The following UMODL1 variants were observed in gnomAD, a reference collection of about 807,000 sequenced individuals.
UMODL1 encodes the protein uromodulin like 1, also known as uromodulin-like 1.
In UMODL1, 128 loss-of-function variants were observed where a neutral mutation model predicts 136.3. That is an observed-to-expected ratio of 0.94 (90% CI 0.81 to 1.09). UMODL1 has a LOEUF of 1.09. Ranked by LOEUF, UMODL1 falls within the 50% of genes least tolerant of loss-of-function variation. The probability of loss-of-function intolerance (pLI) is 0.00; values close to 1 mark genes in which losing one functional copy is unlikely to be tolerated. For missense variants in UMODL1, 1,766 were observed against 1,725.6 expected, an observed-to-expected ratio of 1.02 and a Z score of -0.41; for synonymous variants, 721 against 720.0, an observed-to-expected ratio of 1.00 and a Z score of -0.02.
chr21:42,103,847 C>G (rs1293354771), intron 8 of UMODL1, 21 bp from the exon 9 acceptor site: 1 of 1,613,658 alleles, frequency 6.2e-7, no homozygotes, highest in East Asian at 2.2e-5. Context: ...TGGATGTCTG[C>G]TGTTGCCTCT....
rs373686814 is a variant in UMODL1 at position 42,088,313 on chromosome 21, C to G, written c.623C>G (p.Pro208Arg). 1 of 1,613,244 alleles carries G rather than the reference C, an allele frequency of 6.2e-7. No individual in the cohort carries two copies. The highest frequency in any genetic ancestry group is 1.1e-5 in the South Asian group (1 of 91,064). ...LHSLVTSALQ[P>R]MASTVHHLHS... ...TCACAGGTCACCAGCGCCCTGCAAC[C>G]AATGGCCTCCACCGTCCACCACCTG... The change falls in exon 5 of 23, where the codon CCA (proline) becomes CGA (arginine). Residue 208 changes from proline to arginine, a missense_variant. By Grantham distance (103) the Pro-to-Arg change is moderately radical. Transcript: ENST00000408910.
rs546484416 is a variant in UMODL1 at position 42,116,063 on chromosome 21, G to A, written c.2475+78G>A. 4.0e-5 allele frequency: 49 copies of A among 1,231,720 alleles called. 3 individuals carry two copies. In the Middle Eastern group the frequency reaches 4.6e-3, roughly 114 times the overall value. 76.3% of individuals were successfully genotyped at this position (1,231,720 alleles called of 1,614,324 possible). ...GCTGATAGAATTCTAGGTTAGGCAC[G>A]GTGGCTCACCCCTGTAATCCTAGCA... On this transcript the variant is annotated intron_variant, in intron 14 of 22. Transcript: ENST00000408910.
At chr21:42,097,497 G>A (rs1472755039) in intron 6 of UMODL1, among the ~76,000 whole-genome samples, 12 of 152,214 alleles carry the variant, frequency 7.9e-5, no homozygotes, top group Admixed American at 7.9e-4. Context: ...AGGGAAATGA[G>A]TTGGACAGTG....
rs368253781 is a variant in UMODL1, at chr21:42,127,693, C to T, written c.3552C>T (p.Tyr1184=). Reference sequence around the variant, plus strand: ...TCAGCTGCCCTGTGCCCAACACATACACCAACGTGATTGAGAACGGCAACT... The same window carrying T: ...TCAGCTGCCCTGTGCCCAACACATATACCAACGTGATTGAGAACGGCAACT... ...INNSCPVPNT[Y]TNVIENGNSN... The change falls in exon 20 of 23, where the codon TAC becomes TAT. Residue 1184 remains tyrosine, a synonymous_variant. Coordinates refer to ENST00000408910, the MANE Select transcript of UMODL1 (RefSeq NM_001004416.3). 3 of 1,613,998 alleles carry T rather than the reference C, an allele frequency of 1.9e-6. No individual in the cohort carries two copies. In the African/African-American group the frequency reaches 4.0e-5, roughly 22 times the overall value.
At chr21:42,116,909 C>G (rs958710851) in intron 14 of UMODL1, among the ~76,000 whole-genome samples, 41 of 152,130 alleles carry the variant, frequency 2.7e-4, no homozygotes, top group African/African-American at 9.7e-4. Flanking sequence ...AACCCCATCT[C>G]TACTAAAAAT....
In UMODL1 at chr21:42,127,746, T is replaced by A. The variant is rs141024826; in HGVS notation, c.3605T>A (p.Ile1202Asn). Reference sequence around the variant, plus strand: ...AATAAGGCCCAGTTCAAGCTGAGGATCTTTTCCTTTATCAACGACTCCATC... The same window carrying A: ...AATAAGGCCCAGTTCAAGCTGAGGAACTTTTCCTTTATCAACGACTCCATC... ...NSNKAQFKLR[I>N]FSFINDSIVY... The change falls in exon 20 of 23, where the codon ATC (isoleucine) becomes AAC (asparagine). Residue 1202 changes from isoleucine to asparagine, a missense_variant. Physicochemically the swap from Ile to Asn is moderately radical, Grantham distance 149. Transcript: ENST00000408910. The A allele has an allele frequency of 1.8e-4, 290 of 1,614,188 alleles. No individual in the cohort carries two copies. The African/African-American group carries it at 3.5e-3, about 20-fold the overall frequency.
chr21:42,119,609 T>C (rs116468142), intron 15 of UMODL1, among the ~76,000 whole-genome samples: 2,257 of 152,218 alleles, frequency 0.015, 35 homozygotes, highest in African/African-American at 0.034. Flanking sequence ...CTTGTTTCCA[T>C]GGGCTGAGGG....
intron 13 of UMODL1, 107 bp from the exon 14 acceptor site, chr21:42,115,766 G>T: frequency 1.2e-6 from 1 of 864,600 alleles, no homozygotes; most frequent in Non-Finnish European, 1.8e-6. Flanking sequence ...GGTTGGCTTT[G>T]GTGTGATGCT....
At chr21:42,071,236 G>GC (rs1287087772), upstream of UMODL1, 1 of 1,367,236 alleles carries the variant, frequency 7.3e-7, no homozygotes, top group Admixed American at 3.4e-5. Flanking sequence ...GGCAGCTCAG[G>GC]CCCCTATGAG....
chr21:42,094,406 C>T (rs1483998020), intron 6 of UMODL1, among the ~76,000 whole-genome samples: 1 of 152,180 alleles, frequency 6.6e-6, no homozygotes, highest in East Asian at 1.9e-4. Context: ...GGTGCTTTAC[C>T]CAGATAGAGG....
rs762869049 is a variant in UMODL1 at position 42,090,353 on chromosome 21, C to A, written c.846C>A (p.Cys282Ter). 6 of 1,614,112 alleles carry A rather than the reference C, an allele frequency of 3.7e-6. No individual in the cohort carries two copies. Among genetic ancestry groups the A allele is most frequent in the Non-Finnish European group, 5.1e-6 (6 of 1,180,030 alleles). The change falls in exon 6 of 23, where the codon TGC becomes TGA. Residue 282 changes from cysteine to a stop codon, truncating the protein, a stop_gained. Coordinates refer to ENST00000408910, the MANE Select transcript of UMODL1 (RefSeq NM_001004416.3). LOFTEE classifies it high-confidence loss of function. ...ATGCCTGCTCTGGAAGGGAACTGTG[C>A]GCAAACCTGGAGGGCTCGTACTGGT... ...ELNACSGREL[C>*]ANLEGSYWCV...
intron 2 of UMODL1, among the ~76,000 whole-genome samples, chr21:42,082,092 C>T (rs1434288371): frequency 6.6e-6 from 1 of 152,238 alleles, no homozygotes; most frequent in African/African-American, 2.4e-5. Context: ...GGAATGCCCA[C>T]AGCAAGGCCG....
At chr21:42,116,636 TA>T (rs1325906168) in intron 14 of UMODL1, among the ~76,000 whole-genome samples, 3 of 151,904 alleles carry the variant, frequency 2.0e-5, no homozygotes, top group Admixed American at 2.0e-4. Flanking sequence ...TTTAAACCTG[TA>T]AAAAATGAGA....
At chr21:42,126,943 T>A (rs182093450) in intron 18 of UMODL1, 63 bp from the exon 19 acceptor site, 1 of 1,319,012 alleles carries the variant, frequency 7.6e-7, no homozygotes, top group East Asian at 2.3e-5. Context: ...GAAGTGGGAA[T>A]GGGAGGGGCC....
intron 20 of UMODL1, chr21:42,128,237 AG>A: frequency 3.3e-6 from 1 of 301,304 alleles, no homozygotes; most frequent in South Asian, 2.8e-5. Flanking sequence ...TATTTAATAA[AG>A]TTTTTTCCCC....
chr21:42,108,597 G>A (rs1018112773), intron 9 of UMODL1: 3 of 343,934 alleles, frequency 8.7e-6, no homozygotes, highest in Non-Finnish European at 1.7e-5. Flanking sequence ...CATGCCGGGT[G>A]TGGGTTCGTT....
chr21:42,076,335 C>T (rs1196943544), intron 2 of UMODL1, 88 bp downstream of exon 2: 13 of 1,571,166 alleles, frequency 8.3e-6, no homozygotes, highest in South Asian at 7.0e-5. Context: ...CCATTGGCCC[C>T]GAACTTGCTA....
chr21:42,087,874 T>C (rs927851318), intron 4 of UMODL1, among the ~76,000 whole-genome samples: 3 of 152,254 alleles, frequency 2.0e-5, no homozygotes, highest in African/African-American at 7.2e-5. Context: ...GACGGCTGTC[T>C]TCTCTGTCTC....
chr21:42,064,034 T>C (rs928126973), intron 1 of UMODL1, among the ~76,000 whole-genome samples: 7 of 152,142 alleles, frequency 4.6e-5, no homozygotes, highest in Non-Finnish European at 1.0e-4. Context: ...TGAAATAACC[T>C]GGCCGTTATA....
Sources: gnomAD v4.1 joint callset for allele counts (sites outside exome capture counted in the v4.1 genomes callset) on GRCh38, gnomAD v4.1.1 for gene constraint, MANE v1.5 for transcripts, NCBI Gene and HGNC (gene_info 2026-07-23, HGNC 2026-07-21) for gene names.